PSD3: variants seen among roughly 807,000 people sequenced by gnomAD.
PSD3 encodes the protein PH and SEC7 domain-containing protein 3.
Under a neutral mutation model 105.5 loss-of-function variants are expected in PSD3, and 49 were observed. That is an observed-to-expected ratio of 0.46 (90% CI 0.37 to 0.59). PSD3 has a LOEUF of 0.59. Among genes scored for constraint, PSD3 ranks in the 20% least tolerant of loss-of-function variants. The pLI, the probability that PSD3 is intolerant of heterozygous loss-of-function variation, is 0.00. For synonymous variants in PSD3, 557 were observed against 457.8 expected, an observed-to-expected ratio of 1.22 and a Z score of -2.77; for missense variants, 1,561 against 1,263.8, an observed-to-expected ratio of 1.24 and a Z score of -3.57.
intron 2 of PSD3, among the ~76,000 whole-genome samples, chr8:18,932,546 C>G (rs1331671946): frequency 1.3e-5 from 2 of 152,216 alleles, no homozygotes; most frequent in Non-Finnish European, 2.9e-5. Flanking sequence ...TGCACTAAAG[C>G]TGAGACTTCT....
chr8:18,643,799 C>A (rs1463679841), intron 10 of PSD3, among the ~76,000 whole-genome samples: 1 of 152,234 alleles, frequency 6.6e-6, no homozygotes, highest in Non-Finnish European at 1.5e-5. Context: ...GAATATCCCA[C>A]ATCTTTTGAA....
At chr8:18,698,040 T>C (rs1801359045) in intron 9 of PSD3, among the ~76,000 whole-genome samples, 1 of 152,056 alleles carries the variant, frequency 6.6e-6, no homozygotes, top group Non-Finnish European at 1.5e-5. Context: ...GTGAATAAGT[T>C]AACGAACTTA....
At chr8:18,844,812 C>A (rs149625152) in intron 4 of PSD3, among the ~76,000 whole-genome samples, 1 of 152,150 alleles carries the variant, frequency 6.6e-6, no homozygotes, top group Non-Finnish European at 1.5e-5. Context: ...AATCGTACAG[C>A]CAAATTCCAG....
intron 1 of PSD3, among the ~76,000 whole-genome samples, chr8:19,041,561 T>C (rs1183905536): frequency 6.6e-6 from 1 of 152,266 alleles, no homozygotes; most frequent in Non-Finnish European, 1.5e-5. Context: ...TCCAGTGTGC[T>C]ATGTCACTTT....
upstream of PSD3, chr8:19,013,791 A>C: frequency 9.9e-6 from 2 of 201,430 alleles, no homozygotes; most frequent in Non-Finnish European, 1.9e-5. Context: ...AGTAACGTCA[A>C]AGCGAAGGCG....
chr8:18,972,130 A>T (rs796400410), intron 1 of PSD3, among the ~76,000 whole-genome samples: 4 of 152,254 alleles, frequency 2.6e-5, no homozygotes, highest in Non-Finnish European at 5.9e-5. Flanking sequence ...CTATTTCCTC[A>T]ATCTATTTTC....
intron 8 of PSD3, among the ~76,000 whole-genome samples, chr8:18,795,540 C>A (rs187407347): frequency 6.6e-6 from 1 of 152,340 alleles, no homozygotes; most frequent in African/African-American, 2.4e-5. Context: ...CCTTGGCCAG[C>A]CACTGACTTG....
In PSD3 at chr8:18,543,354, C is replaced by T. The variant is rs144881828; in HGVS notation, c.2929-7396G>A. Among the ~76,000 whole-genome samples the T allele has an allele frequency of 2.6e-5, 4 of 152,258 alleles. No individual in the cohort carries two copies. In the East Asian group the frequency reaches 7.7e-4, roughly 29 times the overall value. On this transcript the variant is annotated intron_variant, in intron 15 of 15. Transcript: ENST00000327040. ...ATATGGCCAGGCGCGGTGACTCACA[C>T]CTGTAATCCCAGCACTTTGGGAGGC...
At chr8:18,763,149 G>C (rs1463723684) in intron 9 of PSD3, 1 of 424,658 alleles carries the variant, frequency 2.4e-6, no homozygotes, top group Admixed American at 2.6e-5. Context: ...AAATCCAAAT[G>C]TTACTTTTGA....
At chr8:19,001,962 C>G (rs1206044008) in intron 1 of PSD3, 4 of 164,584 alleles carry the variant, frequency 2.4e-5, no homozygotes, top group Admixed American at 6.4e-5. Flanking sequence ...AACGGTGACC[C>G]TCCCCGGGTA....
chr8:19,007,267 A>AGAGG (rs1337797880), intron 1 of PSD3, among the ~76,000 whole-genome samples: 1 of 151,702 alleles, frequency 6.6e-6, no homozygotes, highest in Non-Finnish European at 1.5e-5. Context: ...AAATAAATAG[A>AGAGG]GAGAGAGTGA....
intron 9 of PSD3, among the ~76,000 whole-genome samples, chr8:18,764,315 G>C (rs572535365): frequency 1.3e-5 from 2 of 152,074 alleles, no homozygotes; most frequent in African/African-American, 2.4e-5. Context: ...TCTTTATCAC[G>C]TCACAATCCT....
At chr8:18,986,802 A>G (rs561206813) in intron 1 of PSD3, among the ~76,000 whole-genome samples, 2 of 152,320 alleles carry the variant, frequency 1.3e-5, no homozygotes, top group South Asian at 4.1e-4. Context: ...GAGGCAGAAC[A>G]AAGAGCCAGC....
intron 1 of PSD3, among the ~76,000 whole-genome samples, chr8:19,075,134 G>C (rs1013914476): frequency 6.6e-6 from 1 of 151,758 alleles, no homozygotes; most frequent in African/African-American, 2.4e-5. Context: ...TTTCAGTAGA[G>C]ACAGGATTTC....
chr8:18,579,593 A>C (rs1473567158), intron 12 of PSD3, among the ~76,000 whole-genome samples: 1 of 152,234 alleles, frequency 6.6e-6, no homozygotes, highest in African/African-American at 2.4e-5. Context: ...TAAATCCATT[A>C]AAAGCATGAA....
chr8:18,893,046 C>G (rs1051819969), intron 2 of PSD3, among the ~76,000 whole-genome samples: 1 of 152,136 alleles, frequency 6.6e-6, no homozygotes, highest in Admixed American at 6.6e-5. Flanking sequence ...CTGTTTTGTG[C>G]ACTATTGTAT....
At chr8:19,075,167 C>T (rs1237685862) in intron 1 of PSD3, among the ~76,000 whole-genome samples, 3 of 151,808 alleles carry the variant, frequency 2.0e-5, no homozygotes, top group Admixed American at 1.3e-4. Context: ...AGGCTGGCCT[C>T]GAACTCCGGA....
At chr8:18,863,808 G>C (rs538214142) in intron 4 of PSD3, among the ~76,000 whole-genome samples, 2 of 152,178 alleles carry the variant, frequency 1.3e-5, no homozygotes, top group East Asian at 3.9e-4. Context: ...TATAGATTTG[G>C]AATATTTTCT....
intron 1 of PSD3, among the ~76,000 whole-genome samples, chr8:18,994,987 G>A (rs1306295832): frequency 1.3e-5 from 2 of 150,868 alleles, no homozygotes; most frequent in East Asian, 2.0e-4. Flanking sequence ...AGCCATCTAA[G>A]AAGCTTTCAT....
Sources: gnomAD v4.1 joint callset for allele counts (sites outside exome capture counted in the v4.1 genomes callset) on GRCh38, gnomAD v4.1.1 for gene constraint, MANE v1.5 for transcripts, NCBI Gene and HGNC (gene_info 2026-07-23, HGNC 2026-07-21) for gene names.